AFDN: variants seen among roughly 807,000 people sequenced by gnomAD.
AFDN encodes afadin.
AFDN carries 68 observed loss-of-function variants against 216.6 expected under a neutral mutation model. The ratio of observed to expected loss-of-function variants is 0.31; its 90% CI spans 0.26 to 0.38. The LOEUF (loss-of-function observed/expected upper bound fraction) is 0.38, where lower values mean the gene tolerates loss of function less well. Ranked by LOEUF, AFDN falls within the 10% of genes least tolerant of loss-of-function variation. The probability of loss-of-function intolerance (pLI) is 1.00; values close to 1 mark genes in which losing one functional copy is unlikely to be tolerated. For missense variants in AFDN, 2,136 were observed against 2,342.0 expected, an observed-to-expected ratio of 0.91 and a Z score of 1.82; for synonymous variants, 868 against 853.7, an observed-to-expected ratio of 1.02 and a Z score of -0.29.
Position 167,914,688 on chromosome 6 carries a change from C to G in AFDN, c.2249C>G (p.Pro750Arg). ...CAATCAGAACTTAATAATTACATGC[C>G]AGCCTTTCTAGATGACCCTGAAGAG... ...CLQSELNNYM[P>R]AFLDDPEENS... The change falls in exon 18 of 34, where the codon CCA (proline) becomes CGA (arginine). Residue 750 changes from proline (P) to arginine (R), a missense_variant. Physicochemically the swap from Pro to Arg is moderately radical, Grantham distance 103. This residue lies in a region of AFDN where 817 missense variants were observed against 965.7 expected (regional missense o/e 0.85). Transcript: ENST00000683244. 1.2e-6 allele frequency: 2 copies of G among 1,613,572 alleles called. No homozygotes were observed. The highest frequency in any genetic ancestry group is 1.7e-6 in the Non-Finnish European group (2 of 1,179,664).
intron 9 of AFDN, among the ~76,000 whole-genome samples, chr6:167,896,392 G>A (rs1204508533): frequency 6.6e-6 from 1 of 152,150 alleles, no homozygotes; most frequent in Non-Finnish European, 1.5e-5. Flanking sequence ...TTTTCATCCA[G>A]GTCTGGGGAG....
intron 2 of AFDN, among the ~76,000 whole-genome samples, chr6:167,869,793 A>G (rs1345146936): frequency 2.0e-5 from 3 of 152,186 alleles, no homozygotes; most frequent in Non-Finnish European, 4.4e-5. Context: ...AATATACCAA[A>G]CATAATACTT....
chr6:167,866,109 C>T (rs978346451), intron 2 of AFDN, among the ~76,000 whole-genome samples: 2 of 152,172 alleles, frequency 1.3e-5, no homozygotes, highest in Non-Finnish European at 2.9e-5. Flanking sequence ...ATCTCTCTCA[C>T]TTCCACCTTT....
intron 32 of AFDN, chr6:167,966,324 C>T (rs764040341): frequency 7.3e-7 from 1 of 1,378,502 alleles, no homozygotes; most frequent in Non-Finnish European, 9.5e-7. Flanking sequence ...ATTGGAACCT[C>T]AGCATCTCTC....
chr6:167,917,713 C>T (rs558644907), intron 20 of AFDN, among the ~76,000 whole-genome samples: 78 of 152,300 alleles, frequency 5.1e-4, no homozygotes, highest in African/African-American at 1.8e-3. Flanking sequence ...ATACTGTAGA[C>T]TTAAATATGA....
intron 9 of AFDN, among the ~76,000 whole-genome samples, chr6:167,894,478 A>G (rs1433631353): frequency 1.3e-5 from 2 of 151,960 alleles, no homozygotes; most frequent in Non-Finnish European, 2.9e-5. Flanking sequence ...TTTATATGTT[A>G]CTCCCTGTGA....
rs761681991 is a variant in AFDN, at chr6:167,969,899, A to G, written c.5460A>G (p.Lys1820=). 1 of 1,612,432 alleles carries G rather than the reference A, an allele frequency of 6.2e-7. No individual in the cohort carries two copies. The highest frequency in any genetic ancestry group is 1.1e-5 in the South Asian group (1 of 90,388). Residue 1820 remains lysine, a synonymous_variant, in exon 34 of 34, where the codon AAA becomes AAG. Transcript: ENST00000683244. ...CCAATAAAGTGAAAGCTTCTCGTAA[A>G]TTAACAGAACTGGAGAATGAACTGA... ...DVSNKVKASR[K]LTELENELNT...
chr6:167,859,423 A>G (rs1340310513), intron 1 of AFDN, among the ~76,000 whole-genome samples: 1 of 152,208 alleles, frequency 6.6e-6, no homozygotes, highest in East Asian at 1.9e-4. Flanking sequence ...CATGTGTAAC[A>G]AAGTGGACAG....
intron 6 of AFDN, among the ~76,000 whole-genome samples, chr6:167,881,499 G>T (rs946858414): frequency 6.6e-6 from 1 of 152,184 alleles, no homozygotes; most frequent in Non-Finnish European, 1.5e-5. Context: ...AATCTTGCTG[G>T]GAGGACATCA....
At chr6:167,952,613 TA>T in intron 30 of AFDN, 3 of 545,386 alleles carry the variant, frequency 5.5e-6, no homozygotes, top group Non-Finnish European at 7.0e-6. Flanking sequence ...TCTGCTGTTG[TA>T]GCACAAAAGC....
intron 30 of AFDN, 179 bp downstream of exon 30, chr6:167,952,366 A>G (rs141975502): frequency 4.7e-6 from 7 of 1,481,608 alleles, no homozygotes; most frequent in East Asian, 4.7e-5. Flanking sequence ...AGTCAGGCCT[A>G]TAAGGCTAAA....
chr6:167,952,361 G>T (rs918236534), intron 30 of AFDN, 174 bp downstream of exon 30: 7 of 1,482,458 alleles, frequency 4.7e-6, no homozygotes, highest in African/African-American at 1.4e-5. Flanking sequence ...AAATGAGTCA[G>T]GCCTATAAGG....
intron 1 of AFDN, among the ~76,000 whole-genome samples, chr6:167,856,627 T>G (rs982072057): frequency 1.3e-5 from 2 of 152,094 alleles, no homozygotes; most frequent in South Asian, 4.1e-4. Context: ...AACATACTGA[T>G]GAAATATGTA....
chr6:167,846,676 T>C (rs1249876543), intron 1 of AFDN, among the ~76,000 whole-genome samples: 1 of 150,690 alleles, frequency 6.6e-6, no homozygotes, highest in Non-Finnish European at 1.5e-5. Flanking sequence ...TAATTGAAGA[T>C]TGAAAAAAGT....
intron 1 of AFDN, among the ~76,000 whole-genome samples, chr6:167,836,038 T>C (rs1476595453): frequency 6.6e-6 from 1 of 152,252 alleles, no homozygotes; most frequent in Non-Finnish European, 1.5e-5. Flanking sequence ...ATATTTTCTG[T>C]ATTTATAAAT....
intron 30 of AFDN, among the ~76,000 whole-genome samples, chr6:167,957,400 T>C (rs1037394662): frequency 1.3e-5 from 2 of 152,132 alleles, no homozygotes; most frequent in Admixed American, 6.5e-5. Context: ...GTCGAGTGAG[T>C]GGGATCGGAT....
At chr6:167,838,166 G>C (rs983341551) in intron 1 of AFDN, among the ~76,000 whole-genome samples, 1 of 152,150 alleles carries the variant, frequency 6.6e-6, no homozygotes, top group Non-Finnish European at 1.5e-5. Flanking sequence ...TATGAATGAG[G>C]AGTTCAGTGA....
intron 1 of AFDN, among the ~76,000 whole-genome samples, chr6:167,845,781 T>G (rs1417635338): frequency 6.6e-6 from 1 of 152,168 alleles, no homozygotes; most frequent in African/African-American, 2.4e-5. Flanking sequence ...AATATCTTAG[T>G]GTATTAGTCT....
intron 1 of AFDN, 65 bp downstream of exon 1, chr6:167,827,302 C>T (rs1779211428): frequency 1.5e-6 from 1 of 683,084 alleles, no homozygotes; most frequent in Non-Finnish European, 1.8e-6. Context: ...CGCCCCTCCC[C>T]CCCGCCGCCG....
Sources: gnomAD v4.1 joint callset for allele counts (sites outside exome capture counted in the v4.1 genomes callset) on GRCh38, gnomAD v4.1.1 for gene constraint, gnomAD v4.1.1 regional missense constraint, MANE v1.5 for transcripts, NCBI Gene and HGNC (gene_info 2026-07-23, HGNC 2026-07-21) for gene names.